CELF2: variants seen among roughly 807,000 people sequenced by gnomAD.
The protein encoded by CELF2 is CUGBP Elav-like family member 2, also known as CUG triplet repeat RNA-binding protein 2.
CELF2 carries 8 observed loss-of-function variants against 62.6 expected under a neutral mutation model. That is an observed-to-expected ratio of 0.13 (90% CI 0.07 to 0.23). CELF2 has a LOEUF of 0.23. Ranked by LOEUF, CELF2 falls within the 10% of genes least tolerant of loss-of-function variation. The pLI, the probability that CELF2 is intolerant of heterozygous loss-of-function variation, is 1.00. For missense variants in CELF2, 333 were observed against 671.0 expected, an observed-to-expected ratio of 0.50 and a Z score of 5.56; for synonymous variants, 258 against 250.0, an observed-to-expected ratio of 1.03 and a Z score of -0.30.
At chr10:10,586,733 T>A in the CELF2 span, among the ~76,000 whole-genome samples, 1 of 152,102 alleles carries the variant, frequency 6.6e-6, no homozygotes, top group African/African-American at 2.4e-5. Flanking sequence ...GAATATACAC[T>A]AGAATTTGCT....
chr10:11,103,487 A>ATTTTTTTTTTTTTTTT lies in CELF2; in HGVS notation c.75-61994_75-61979dup, dbSNP rs3054364. ...CGGATAAACCTGTGTTTGTAGCCTG[A>ATTTTTTTTTTTTTTTT]TTTTTTTTTTTTTTTTTTTTACTGT... On this transcript the variant is annotated intron_variant, in intron 1 of 12. Transcript: ENST00000633077. 1.5e-3 allele frequency among the ~76,000 whole-genome samples: 177 copies of ATTTTTTTTTTTTTTTT among 119,698 alleles called. 5 individuals carry two copies. The highest frequency in any genetic ancestry group is 4.4e-3 in the Middle Eastern group (1 of 228). 78.5% of individuals were successfully genotyped at this position (119,698 alleles called of 152,430 possible).
intron 1 of CELF2, among the ~76,000 whole-genome samples, chr10:11,027,923 G>A (rs2059490724): frequency 6.6e-6 from 1 of 152,194 alleles, no homozygotes; most frequent in African/African-American, 2.4e-5. Context: ...ATATTTTATA[G>A]CTTCCTGGCA....
At chr10:10,773,929 A>G in the CELF2 span, among the ~76,000 whole-genome samples, 1 of 152,208 alleles carries the variant, frequency 6.6e-6, no homozygotes, top group Non-Finnish European at 1.5e-5. Flanking sequence ...TGAGTCAATG[A>G]GCGACAGGTT....
intron 1 of CELF2, among the ~76,000 whole-genome samples, chr10:10,917,606 G>T (rs543529165): frequency 6.6e-6 from 1 of 152,306 alleles, no homozygotes; most frequent in Admixed American, 6.5e-5. Flanking sequence ...CTCCCAAAGT[G>T]CTAGGATCAC....
Position 10,997,712 on chromosome 10 carries a change from G to A in CELF2, c.89+77713G>A, listed in dbSNP as rs551630365. The stretch of plus-strand genomic sequence containing the variant: ...TCCACATAAATATTACATGCATCTT[G>A]CACAAGCTGGACAAGTAGGCAGTGG... On this transcript the variant is annotated intron_variant, in intron 2 of 13. Transcript: ENST00000636488. This position sits in a 1 kb window ranked among gnomAD's most constrained non-coding sequence, Gnocchi z 5.3. Among the ~76,000 whole-genome samples, 150 of 152,300 alleles carry A rather than the reference G, an allele frequency of 9.8e-4. No homozygotes were observed. Among genetic ancestry groups the A allele is most frequent in the African/African-American group, 2.9e-3 (120 of 41,562 alleles).
At position 11,117,543 on chromosome 10, in the gene CELF2, A is replaced by T. The variant is rs2143776312; in HGVS notation, c.75-47943A>T. 6.6e-6 allele frequency among the ~76,000 whole-genome samples: 1 copy of T among 152,276 alleles called. No homozygotes were observed. The highest frequency in any genetic ancestry group is 3.4e-3 in the Middle Eastern group (1 of 294). ...CCTAGGTCCATCTTGAGGTGTTGTT[A>T]TACAGCCTCTTAGGGGTTTTTATGT... On this transcript the variant is annotated intron_variant, in intron 1 of 12. Coordinates refer to ENST00000633077, the MANE Select transcript of CELF2 (RefSeq NM_001326342.2). The surrounding 1 kb of genome is among the most constrained non-coding windows in gnomAD (Gnocchi z 4.1).
At chr10:10,774,798 C>G in the CELF2 span, among the ~76,000 whole-genome samples, 1 of 152,116 alleles carries the variant, frequency 6.6e-6, no homozygotes, top group South Asian at 2.1e-4. Flanking sequence ...GTTTAGGGCA[C>G]TGGTGGCATT....
At chr10:10,912,455 C>T (rs565732174) in intron 1 of CELF2, among the ~76,000 whole-genome samples, 83 of 152,226 alleles carry the variant, frequency 5.5e-4, no homozygotes, top group African/African-American at 1.9e-3. Flanking sequence ...CTGCAACCTC[C>T]ACCTCCCAGG....
At chr10:11,266,511 G>A in intron 5 of CELF2, 87 bp from the exon 6 acceptor site, 8 of 927,354 alleles carry the variant, frequency 8.6e-6, no homozygotes, top group East Asian at 2.4e-5. Context: ...GGCAGTTCTC[G>A]TAGACTGTGT....
At chr10:10,718,886 GATAA>G in the CELF2 span, among the ~76,000 whole-genome samples, 1 of 151,682 alleles carries the variant, frequency 6.6e-6, no homozygotes, top group Non-Finnish European at 1.5e-5. Flanking sequence ...AAGCAGCAAA[GATAA>G]ATAATTATTC....
chr10:10,675,030 A>T, the CELF2 span, among the ~76,000 whole-genome samples: 2 of 152,186 alleles, frequency 1.3e-5, no homozygotes, highest in Admixed American at 6.5e-5. Context: ...TACCTGTTAG[A>T]TAAAAAAATA....
At chr10:11,070,738 C>T (rs1290917200) in intron 1 of CELF2, among the ~76,000 whole-genome samples, 1 of 152,068 alleles carries the variant, frequency 6.6e-6, no homozygotes, top group African/African-American at 2.4e-5. Context: ...AGAACAGTGG[C>T]ATGGGAGAAA....
At chr10:10,844,538 G>T (rs2058891353) in intron 1 of CELF2, among the ~76,000 whole-genome samples, 1 of 152,070 alleles carries the variant, frequency 6.6e-6, no homozygotes, top group Admixed American at 6.6e-5. Context: ...ACTGCCATTT[G>T]CAGTTTTATC....
Position 11,334,269 on chromosome 10 carries a change from T to C in CELF2, c.*5216T>C, listed in dbSNP as rs1255993898. The C allele has an allele frequency of 1.3e-5, 2 of 152,700 alleles. No homozygotes were observed. Among genetic ancestry groups the C allele is most frequent in the Non-Finnish European group, 2.9e-5 (2 of 68,044 alleles). 9.5% of individuals were successfully genotyped at this position (152,700 alleles called of 1,614,324 possible). On this transcript the variant is annotated 3_prime_UTR_variant, in exon 13 of 13. Transcript: ENST00000633077. ...CCTCATTGTGAACATAACCGTGTAG[T>C]TGAAACAGTCAAACTTATTTTTGTA...
the CELF2 span, among the ~76,000 whole-genome samples, chr10:10,705,042 C>G: frequency 6.6e-6 from 1 of 151,836 alleles, no homozygotes; most frequent in African/African-American, 2.4e-5. Flanking sequence ...TTTTAGTAGC[C>G]GGCGGTGGTG....
At chr10:10,567,477 A>G in the CELF2 span, among the ~76,000 whole-genome samples, 2 of 152,142 alleles carry the variant, frequency 1.3e-5, no homozygotes, top group Admixed American at 1.3e-4. Flanking sequence ...CAGGGAAGGA[A>G]GGCAGAGAAG....
upstream of CELF2, among the ~76,000 whole-genome samples, chr10:10,797,302 G>C (rs555662323): frequency 7.2e-5 from 11 of 151,900 alleles, no homozygotes; most frequent in South Asian, 2.1e-3. Context: ...TTTTCTTTCA[G>C]TCTTCCCTCT....
At chr10:11,142,228 G>C (rs537379492) in intron 1 of CELF2, among the ~76,000 whole-genome samples, 63 of 152,292 alleles carry the variant, frequency 4.1e-4, no homozygotes, top group Non-Finnish European at 7.8e-4. Flanking sequence ...ATTCTGATTT[G>C]GAAACGAATT....
At chr10:10,757,289 C>T in the CELF2 span, among the ~76,000 whole-genome samples, 1 of 146,980 alleles carries the variant, frequency 6.8e-6, no homozygotes, top group African/African-American at 2.5e-5. Context: ...AAGAACCCTT[C>T]TCTACAAAAA....
Sources: allele counts gnomAD v4.1 joint callset (sites outside exome capture counted in the v4.1 genomes callset), GRCh38; gene constraint gnomAD v4.1.1; non-coding constraint Gnocchi (gnomAD v3.1); transcripts MANE v1.5; gene names NCBI Gene and HGNC (gene_info 2026-07-23, HGNC 2026-07-21).